EBF1: variants seen among roughly 807,000 people sequenced by gnomAD.
The protein encoded by EBF1 is EBF transcription factor 1.
Under a neutral mutation model 68.4 loss-of-function variants are expected in EBF1, and 10 were observed. The ratio of observed to expected loss-of-function variants is 0.15; its 90% CI spans 0.09 to 0.25. The LOEUF is 0.25. Among genes scored for constraint, EBF1 ranks in the 10% least tolerant of loss-of-function variants. EBF1 has a pLI of 1.00. For synonymous variants in EBF1, 298 were observed against 299.8 expected, an observed-to-expected ratio of 0.99 and a Z score of 0.06; for missense variants, 509 against 794.4, an observed-to-expected ratio of 0.64 and a Z score of 4.32.
intron 6 of EBF1, among the ~76,000 whole-genome samples, chr5:159,019,336 T>C (rs910359520): frequency 6.6e-6 from 1 of 152,226 alleles, no homozygotes; most frequent in African/African-American, 2.4e-5. Context: ...TGGATATAAA[T>C]GTCGGGCTCA....
rs973920875 is a variant in EBF1, at chr5:158,731,309, G to A, written c.1037-152C>T. The A allele has an allele frequency of 1.9e-5, 15 of 787,768 alleles. No individual in the cohort carries two copies. In the East Asian group the frequency reaches 2.7e-4, roughly 14 times the overall value. 48.8% of individuals were successfully genotyped at this position (787,768 alleles called of 1,614,324 possible). A position where few individuals can be genotyped will look rare whatever the true frequency, so the allele number is the denominator to read the frequency against. The stretch of plus-strand genomic sequence containing the variant: ...AAGATGGTTGTGTGAATGATCTCTT[G>A]GCTAAACTTTCCACCATCTGCTTTA... On this transcript the variant is annotated intron_variant, in intron 10 of 15. Coordinates refer to ENST00000313708, the MANE Select transcript of EBF1 (RefSeq NM_024007.5).
chr5:158,961,336 A>AAAG (rs376744944), intron 6 of EBF1, among the ~76,000 whole-genome samples: 3 of 151,698 alleles, frequency 2.0e-5, no homozygotes, highest in Non-Finnish European at 2.9e-5. Flanking sequence ...AGGAAAAAAA[A>AAAG]ATCATATTCA....
At chr5:158,897,727 C>T (rs541860899) in intron 6 of EBF1, among the ~76,000 whole-genome samples, 171 of 152,274 alleles carry the variant, frequency 1.1e-3, no homozygotes, top group African/African-American at 4.0e-3. Context: ...GCAAAAAGAG[C>T]CACAAGACTT....
chr5:158,743,867 G>A (rs560115883), intron 10 of EBF1, among the ~76,000 whole-genome samples: 4 of 152,190 alleles, frequency 2.6e-5, no homozygotes, highest in South Asian at 2.1e-4. Flanking sequence ...GTAGACAGTC[G>A]AGAATAAAGA....
chr5:158,719,050 T>C (rs911405729), intron 11 of EBF1, among the ~76,000 whole-genome samples: 1 of 152,158 alleles, frequency 6.6e-6, no homozygotes, highest in South Asian at 2.1e-4. Context: ...AAGTACACAC[T>C]TAATTTGTAT....
At chr5:158,881,369 A>G (rs1393607550) in intron 6 of EBF1, among the ~76,000 whole-genome samples, 1 of 152,126 alleles carries the variant, frequency 6.6e-6, no homozygotes. Context: ...TCCCCTCAAA[A>G]TCACCCGTGA....
At chr5:158,896,938 T>C (rs1582980733) in intron 6 of EBF1, among the ~76,000 whole-genome samples, 1 of 152,242 alleles carries the variant, frequency 6.6e-6, no homozygotes, top group Non-Finnish European at 1.5e-5. Context: ...CCAGTTCTTA[T>C]AGCTAAATAG....
intron 6 of EBF1, among the ~76,000 whole-genome samples, chr5:158,998,079 A>G (rs1038357210): frequency 6.6e-6 from 1 of 152,042 alleles, no homozygotes; most frequent in Non-Finnish European, 1.5e-5. Context: ...CCTCCCATCA[A>G]TTAGGACAGC....
In EBF1 at chr5:159,099,708, A is replaced by G. The variant is rs1021147852; in HGVS notation, c.-230T>C. On this transcript the variant is annotated 5_prime_UTR_variant, in exon 1 of 16. Transcript: ENST00000313708. The stretch of plus-strand genomic sequence containing the variant: ...AGCGATAACCCGAAAAAAAGAAGAA[A>G]GGGAAAATCCAACGAAAAGACCAAA... The G allele has an allele frequency of 2.7e-6, 1 of 370,382 alleles. No homozygotes were observed. Among genetic ancestry groups the G allele is most frequent in the Non-Finnish European group, 4.5e-6 (1 of 220,640 alleles). The allele number at this position is 370,382 out of a possible 1,614,324, so 22.9% of individuals were successfully genotyped here.
chr5:158,866,857 A>ATG (rs1562162776), intron 6 of EBF1, among the ~76,000 whole-genome samples: 612 of 19,596 alleles, frequency 0.031, 15 homozygotes, highest in South Asian at 0.088. Flanking sequence ...ATATATATAT[A>ATG]TATATATATA....
At position 158,937,654 on chromosome 5, in the gene EBF1, G is replaced by A. The variant is rs939702577; in HGVS notation, c.555-97544C>T. Among the ~76,000 whole-genome samples the A allele has an allele frequency of 3.3e-5, 5 of 152,298 alleles. No homozygotes were observed. The South Asian group carries it at 6.2e-4, about 19-fold the overall frequency. ...ACCTTCTTAAGAGCGGGCTCTATTC[G>A]AGTGCGGAATGGCTTCCCAAGGGAG... is the stretch of plus-strand genomic sequence containing the variant. On this transcript the variant is annotated intron_variant, in intron 6 of 15. Transcript: ENST00000313708.
intron 15 of EBF1, among the ~76,000 whole-genome samples, chr5:158,701,733 T>A (rs1756814964): frequency 2.0e-5 from 3 of 152,168 alleles, no homozygotes; most frequent in South Asian, 2.1e-4. Context: ...TTTGTTTTTT[T>A]AAAAAAAGAA....
At chr5:158,848,142 T>C (rs1791898037) in intron 6 of EBF1, among the ~76,000 whole-genome samples, 1 of 152,200 alleles carries the variant, frequency 6.6e-6, no homozygotes, top group African/African-American at 2.4e-5. Context: ...TTCTACTTCT[T>C]TTCTCATTTT....
chr5:159,050,449 G>A (rs1773355696), intron 6 of EBF1, among the ~76,000 whole-genome samples: 1 of 152,072 alleles, frequency 6.6e-6, no homozygotes, highest in Non-Finnish European at 1.5e-5. Flanking sequence ...AAATTTCCAG[G>A]ACAATGTACG....
intron 6 of EBF1, among the ~76,000 whole-genome samples, chr5:159,003,518 A>G (rs1762971791): frequency 6.6e-6 from 1 of 152,120 alleles, no homozygotes; most frequent in African/African-American, 2.4e-5. Flanking sequence ...TGATTGTAAT[A>G]GAAGGTGATT....
At chr5:158,891,904 A>T (rs756023491) in intron 6 of EBF1, among the ~76,000 whole-genome samples, 84 of 152,020 alleles carry the variant, frequency 5.5e-4, no homozygotes, top group Non-Finnish European at 1.1e-3. Context: ...TTTTTAAAAA[A>T]TATTTATTTA....
At chr5:158,934,321 C>T (rs138128840) in intron 6 of EBF1, among the ~76,000 whole-genome samples, 1 of 152,330 alleles carries the variant, frequency 6.6e-6, no homozygotes, top group African/African-American at 2.4e-5. Flanking sequence ...CATACACATA[C>T]ACACATACAC....
intron 6 of EBF1, among the ~76,000 whole-genome samples, chr5:159,060,608 TA>T (rs969287450): frequency 2.0e-5 from 3 of 152,186 alleles, no homozygotes; most frequent in Admixed American, 2.0e-4. Flanking sequence ...AAGTATTTTG[TA>T]CAGTCAAATA....
At chr5:158,973,139 G>A (rs764768545) in intron 6 of EBF1, among the ~76,000 whole-genome samples, 20 of 152,130 alleles carry the variant, frequency 1.3e-4, no homozygotes, top group Non-Finnish European at 2.5e-4. Flanking sequence ...GCCCTAGAAC[G>A]TAAGCTCCAT....
Sources: gnomAD v4.1 joint callset for allele counts (sites outside exome capture counted in the v4.1 genomes callset) on GRCh38, gnomAD v4.1.1 for gene constraint, MANE v1.5 for transcripts, NCBI Gene and HGNC (gene_info 2026-07-23, HGNC 2026-07-21) for gene names.